MEOX2: variants seen among roughly 807,000 people sequenced by gnomAD.
MEOX2 encodes the protein homeobox protein MOX-2.
MEOX2 carries 11 observed loss-of-function variants against 27.0 expected under a neutral mutation model. The ratio of observed to expected loss-of-function variants is 0.41; its 90% CI spans 0.26 to 0.68. The LOEUF (loss-of-function observed/expected upper bound fraction) is 0.68. Among genes scored for constraint, MEOX2 ranks in the 30% least tolerant of loss-of-function variants. MEOX2 has a pLI of 0.33. For missense variants in MEOX2, 436 were observed against 385.4 expected, an observed-to-expected ratio of 1.13 and a Z score of -1.10; for synonymous variants, 189 against 155.4, an observed-to-expected ratio of 1.22 and a Z score of -1.61.
At chr7:15,681,885 G>T (rs1782296666) in intron 1 of MEOX2, 1 of 151,716 alleles carries the variant, frequency 6.6e-6, no homozygotes, top group Non-Finnish European at 1.5e-5. Flanking sequence ...TATAAATGAA[G>T]AAATTTACAC....
chr7:15,640,853 C>T (rs1239002210), intron 1 of MEOX2, among the ~76,000 whole-genome samples: 1 of 152,114 alleles, frequency 6.6e-6, no homozygotes, highest in South Asian at 2.1e-4. Flanking sequence ...GTTGAACTAT[C>T]CTTGCTTCCC....
chr7:15,672,336 A>G (rs763580724), intron 1 of MEOX2, among the ~76,000 whole-genome samples: 2 of 152,196 alleles, frequency 1.3e-5, no homozygotes, highest in Non-Finnish European at 2.9e-5. Flanking sequence ...GAAGCTCAAC[A>G]ATGTATAGCA....
At chr7:15,636,182 C>T (rs777423271) in intron 1 of MEOX2, among the ~76,000 whole-genome samples, 4 of 151,706 alleles carry the variant, frequency 2.6e-5, no homozygotes, top group Non-Finnish European at 5.9e-5. Context: ...ACTTACAAGC[C>T]GATTCTCTTA....
chr7:15,683,565 T>C (rs1313898420), intron 1 of MEOX2, among the ~76,000 whole-genome samples: 1 of 152,120 alleles, frequency 6.6e-6, no homozygotes, highest in East Asian at 1.9e-4. Context: ...GTCTATGAAA[T>C]AAAATATCTT....
chr7:15,675,295 G>A (rs1782174559), intron 1 of MEOX2, among the ~76,000 whole-genome samples: 1 of 152,062 alleles, frequency 6.6e-6, no homozygotes, highest in African/African-American at 2.4e-5. Flanking sequence ...AGCTAAGAAA[G>A]TTGATCACTG....
At chr7:15,614,059 C>T (rs74476414) in intron 2 of MEOX2, among the ~76,000 whole-genome samples, 95,596 of 145,724 alleles carry the variant, frequency 0.66, 30,845 homozygotes, top group East Asian at 0.79. Context: ...TCTATTGTTT[C>T]TTTTATGACT....
At chr7:15,658,411 G>A (rs901020715) in intron 1 of MEOX2, among the ~76,000 whole-genome samples, 7 of 152,172 alleles carry the variant, frequency 4.6e-5, no homozygotes, top group Non-Finnish European at 8.8e-5. Flanking sequence ...GTTATGCTTT[G>A]TGAGGCTCCT....
At chr7:15,623,274 A>T (rs991071654) in intron 2 of MEOX2, among the ~76,000 whole-genome samples, 3 of 152,222 alleles carry the variant, frequency 2.0e-5, no homozygotes, top group African/African-American at 7.2e-5. Context: ...AGCAAAGTTG[A>T]CAACTGACAT....
intron 1 of MEOX2, among the ~76,000 whole-genome samples, chr7:15,663,272 A>G (rs904193457): frequency 7.9e-5 from 12 of 152,174 alleles, no homozygotes; most frequent in African/African-American, 2.4e-4. Context: ...TTCCAAAAAG[A>G]TGTAAGAACT....
At chr7:15,638,762 T>C (rs1257366791) in intron 1 of MEOX2, among the ~76,000 whole-genome samples, 1 of 152,110 alleles carries the variant, frequency 6.6e-6, no homozygotes, top group East Asian at 1.9e-4. Context: ...TTATTTCACT[T>C]AAGATAAAGG....
At chr7:15,672,048 G>A (rs531667844) in intron 1 of MEOX2, among the ~76,000 whole-genome samples, 5 of 151,728 alleles carry the variant, frequency 3.3e-5, no homozygotes, top group East Asian at 1.9e-4. Context: ...AGCCAAGATC[G>A]TACCACTACA....
rs1781613274 is a variant in MEOX2 at position 15,644,495 on chromosome 7, C to T, written c.518-17577G>A. Among the ~76,000 whole-genome samples the T allele has an allele frequency of 3.3e-5, 5 of 152,236 alleles. No individual in the cohort carries two copies. In the South Asian group the frequency reaches 1.0e-3, roughly 32 times the overall value. On this transcript the variant is annotated intron_variant, in intron 1 of 2. Transcript: ENST00000262041. ...TGAAACAGAGGAGGATGGAGAAGAA[C>T]ATAGACCCAAGAAAGTTCTCCAAGA...
Position 15,643,493 on chromosome 7 carries a change from G to T in MEOX2, c.518-16575C>A, listed in dbSNP as rs192989472. Among the ~76,000 whole-genome samples the T allele has an allele frequency of 2.7e-3, 405 of 152,270 alleles. 3 individuals are homozygous for T. Among genetic ancestry groups the T allele is most frequent in the African/African-American group, 9.2e-3 (382 of 41,558 alleles). On this transcript the variant is annotated intron_variant, in intron 1 of 2. Transcript: ENST00000262041. Reference sequence around the variant, plus strand: ...AGAGCTCCCATAGGGGAACAGGGGTGGGGGAGGGGGCTGCGGTTTGCAGCC... The same window carrying T: ...AGAGCTCCCATAGGGGAACAGGGGTTGGGGAGGGGGCTGCGGTTTGCAGCC...
chr7:15,657,952 A>G (rs1388461995), intron 1 of MEOX2, among the ~76,000 whole-genome samples: 1 of 152,224 alleles, frequency 6.6e-6, no homozygotes, highest in Non-Finnish European at 1.5e-5. Flanking sequence ...ACTGAGCCTC[A>G]GTTTACATCA....
At chr7:15,628,653 G>C (rs1300272097) in intron 1 of MEOX2, among the ~76,000 whole-genome samples, 1 of 152,116 alleles carries the variant, frequency 6.6e-6, no homozygotes, top group African/African-American at 2.4e-5. Flanking sequence ...AGTGACATAA[G>C]AGATGATGTG....
At chr7:15,643,187 G>A (rs1398755797) in intron 1 of MEOX2, among the ~76,000 whole-genome samples, 1 of 152,184 alleles carries the variant, frequency 6.6e-6, no homozygotes, top group African/African-American at 2.4e-5. Context: ...GCTTGCAGGT[G>A]AGAGGCAGTT....
At chr7:15,635,031 C>G (rs1781459506) in intron 1 of MEOX2, among the ~76,000 whole-genome samples, 1 of 151,942 alleles carries the variant, frequency 6.6e-6, no homozygotes, top group Non-Finnish European at 1.5e-5. Context: ...AATAAATCAA[C>G]TATTTGATTA....
chr7:15,661,936 C>G (rs1781925375), intron 1 of MEOX2, among the ~76,000 whole-genome samples: 1 of 152,092 alleles, frequency 6.6e-6, no homozygotes, highest in Non-Finnish European at 1.5e-5. Context: ...GCAATGGAGT[C>G]AAGTTAAATA....
At chr7:15,648,507 G>C (rs1368828667) in intron 1 of MEOX2, among the ~76,000 whole-genome samples, 1 of 152,030 alleles carries the variant, frequency 6.6e-6, no homozygotes, top group African/African-American at 2.4e-5. Context: ...GGGATACAGA[G>C]GAAAGGATAG....
Sources: gnomAD v4.1 joint callset for allele counts (sites outside exome capture counted in the v4.1 genomes callset) on GRCh38, gnomAD v4.1.1 for gene constraint, MANE v1.5 for transcripts, NCBI Gene and HGNC (gene_info 2026-07-23, HGNC 2026-07-21) for gene names.